Variants in EPHA5 observed in about 807,000 individuals in gnomAD.
EPHA5 encodes ephrin type-A receptor 5.
Under a neutral mutation model 105.0 loss-of-function variants are expected in EPHA5, and 60 were observed. The ratio of observed to expected loss-of-function variants is 0.57; its 90% confidence interval spans 0.46 to 0.71. The LOEUF is 0.71. Among genes scored for constraint, EPHA5 ranks in the 30% least tolerant of loss-of-function variants. The pLI, the probability that EPHA5 is intolerant of heterozygous loss-of-function variation, is 0.00. For missense variants in EPHA5, 1,218 were observed against 1,274.7 expected (o/e 0.96, Z 0.68); for synonymous variants, 513 against 449.1 (o/e 1.14, Z -1.80).
chr4:65,388,824 T>A (rs1489837222), intron 8 of EPHA5, among the ~76,000 whole-genome samples: 1 of 151,684 alleles, frequency 6.6e-6, no homozygotes, highest in Non-Finnish European at 1.5e-5. Flanking sequence ...TTTAATTAGA[T>A]CCCATTTGTC....
At chr4:65,522,330 AT>A in intron 3 of EPHA5, among the ~76,000 whole-genome samples, 1 of 149,998 alleles carries the variant, frequency 6.7e-6, no homozygotes, top group Non-Finnish European at 1.5e-5. Flanking sequence ...ATATATATAT[AT>A]ATAAAATCAA....
intron 3 of EPHA5, among the ~76,000 whole-genome samples, chr4:65,538,822 C>A (rs990313251): frequency 6.6e-6 from 1 of 151,654 alleles, no homozygotes; most frequent in African/African-American, 2.4e-5. Flanking sequence ...AAAGCTAAAG[C>A]CACTGCTCTG....
chr4:65,434,387 T>C (rs1039353219), intron 5 of EPHA5, among the ~76,000 whole-genome samples: 4 of 152,144 alleles, frequency 2.6e-5, no homozygotes, highest in African/African-American at 9.7e-5. Context: ...GTCTAATCTA[T>C]ATCATTTTAT....
intron 3 of EPHA5, among the ~76,000 whole-genome samples, chr4:65,516,263 T>C (rs530435190): frequency 3.9e-5 from 6 of 152,302 alleles, no homozygotes; most frequent in African/African-American, 1.2e-4. Context: ...GTTTTGTATG[T>C]TATATGTATT....
chr4:65,493,546 A>G (rs1578246726), intron 4 of EPHA5, among the ~76,000 whole-genome samples: 2 of 152,202 alleles, frequency 1.3e-5, no homozygotes, highest in African/African-American at 4.8e-5. Context: ...ACATACACAC[A>G]CACTCATAGA....
At chr4:65,365,253 T>C (rs2148889616) in intron 10 of EPHA5, 51 bp from the exon 11 acceptor site, 1 of 1,488,274 alleles carries the variant, frequency 6.7e-7, no homozygotes. Context: ...ATTGTTAGTC[T>C]ATTAACACTT....
At chr4:65,337,109 G>T (rs186583668) in intron 14 of EPHA5, among the ~76,000 whole-genome samples, 3 of 151,668 alleles carry the variant, frequency 2.0e-5, no homozygotes, top group Non-Finnish European at 4.4e-5. Flanking sequence ...CATAATAATT[G>T]TACATATTTA....
At chr4:65,547,021 G>A (rs1737442674) in intron 3 of EPHA5, among the ~76,000 whole-genome samples, 1 of 152,038 alleles carries the variant, frequency 6.6e-6, no homozygotes, top group Admixed American at 6.6e-5. Flanking sequence ...TGTGATGGAA[G>A]TGTCACTGCA....
At chr4:65,636,410 C>T (rs1747123970) in intron 2 of EPHA5, among the ~76,000 whole-genome samples, 1 of 152,048 alleles carries the variant, frequency 6.6e-6, no homozygotes, top group African/African-American at 2.4e-5. Flanking sequence ...TAGAGTAGCT[C>T]ATGTCTGGTT....
In EPHA5 at chr4:65,379,074, C is replaced by G. The variant is rs17086155; in HGVS notation, c.1794-11650G>C. On this transcript the variant is annotated intron_variant, in intron 8 of 16. Coordinates refer to ENST00000613740, the MANE Select transcript of EPHA5 (RefSeq NM_001281766.3). ...ATATACTTCTAGTTGAAAGTGTGCA[C>G]AGTTTATAAATTCATATAGAATTGT... Among the ~76,000 whole-genome samples the G allele has an allele frequency of 7.2e-3, 1,094 of 151,880 alleles. 21 individuals are homozygous for G. The highest frequency in any genetic ancestry group is 0.024 in the African/African-American group (1,012 of 41,488).
chr4:65,507,270 C>G (rs1441646060), intron 3 of EPHA5, among the ~76,000 whole-genome samples: 4 of 152,066 alleles, frequency 2.6e-5, no homozygotes, highest in African/African-American at 9.7e-5. Context: ...GTTACTGTAG[C>G]CTTGTAGTAT....
chr4:65,513,996 A>G (rs963127954), intron 3 of EPHA5, among the ~76,000 whole-genome samples: 1 of 152,134 alleles, frequency 6.6e-6, no homozygotes, highest in Non-Finnish European at 1.5e-5. Context: ...TAAAACTATC[A>G]GTAAATTCTT....
intron 14 of EPHA5, among the ~76,000 whole-genome samples, chr4:65,347,670 T>A (rs1030802177): frequency 6.6e-6 from 1 of 152,180 alleles, no homozygotes; most frequent in Non-Finnish European, 1.5e-5. Context: ...ATCAATATCA[T>A]CATCCTATTG....
chr4:65,383,932 A>G (rs1036155036), intron 8 of EPHA5, among the ~76,000 whole-genome samples: 11 of 151,982 alleles, frequency 7.2e-5, no homozygotes, highest in African/African-American at 2.4e-4. Context: ...AATATTAAAC[A>G]CTATCATATT....
chr4:65,566,874 T>C (rs1423709314), intron 3 of EPHA5, among the ~76,000 whole-genome samples: 9 of 151,746 alleles, frequency 5.9e-5, no homozygotes, highest in Admixed American at 5.9e-4. Context: ...TCTTTATTTT[T>C]TGATAATTTT....
intron 8 of EPHA5, among the ~76,000 whole-genome samples, chr4:65,400,668 C>A (rs773875251): frequency 1.4e-4 from 21 of 152,032 alleles, no homozygotes; most frequent in Non-Finnish European, 3.1e-4. Context: ...CATCCTTGAG[C>A]ATATTTTAGA....
At chr4:65,348,532 A>G (rs1412690331) in intron 13 of EPHA5, among the ~76,000 whole-genome samples, 1 of 151,590 alleles carries the variant, frequency 6.6e-6, no homozygotes, top group South Asian at 2.1e-4. Flanking sequence ...ACTTTCTAAC[A>G]GAGTAAAAGA....
intron 5 of EPHA5, among the ~76,000 whole-genome samples, chr4:65,459,662 T>C (rs569760714): frequency 1.3e-5 from 2 of 151,838 alleles, no homozygotes; most frequent in Non-Finnish European, 3.0e-5. Context: ...AATATACATG[T>C]GTTTATTAAA....
intron 3 of EPHA5, among the ~76,000 whole-genome samples, chr4:65,583,962 T>C (rs1455071000): frequency 6.6e-6 from 1 of 151,618 alleles, no homozygotes; most frequent in Non-Finnish European, 1.5e-5. Flanking sequence ...ATATGTAATA[T>C]ATATGTAATA....
Sources: gnomAD v4.1 joint callset for allele counts (sites outside exome capture counted in the v4.1 genomes callset) on GRCh38, gnomAD v4.1.1 for gene constraint, MANE v1.5 for transcripts, NCBI Gene and HGNC (gene_info 2026-07-23, HGNC 2026-07-21) for gene names.